TMEM123: variants seen among roughly 807,000 people sequenced by gnomAD.
TMEM123 encodes transmembrane protein 123.
Under a neutral mutation model 19.7 loss-of-function variants are expected in TMEM123, and 16 were observed. The ratio of observed to expected loss-of-function variants is 0.81; its 90% CI spans 0.55 to 1.23. The LOEUF (loss-of-function observed/expected upper bound fraction) is 1.23. TMEM123 is among the 50% of genes most tolerant of loss of function. The probability of loss-of-function intolerance (pLI) is 0.00; values close to 1 mark genes in which losing one functional copy is unlikely to be tolerated. For synonymous variants in TMEM123, 118 were observed against 99.4 expected (o/e 1.19, Z -1.12); for missense variants, 313 against 257.8 (o/e 1.21, Z -1.47).
At chr11:102,439,533 C>T (rs1299774738) in intron 2 of TMEM123, among the ~76,000 whole-genome samples, 2 of 152,110 alleles carry the variant, frequency 1.3e-5, no homozygotes, top group Non-Finnish European at 2.9e-5. Flanking sequence ...CACACCAAAA[C>T]CCCATCTGTA....
At chr11:102,419,009 T>C (rs1219141849) in intron 2 of TMEM123, among the ~76,000 whole-genome samples, 1 of 152,128 alleles carries the variant, frequency 6.6e-6, no homozygotes, top group Non-Finnish European at 1.5e-5. Flanking sequence ...AACACCTGCC[T>C]GAGGGTAGGA....
intron 2 of TMEM123, among the ~76,000 whole-genome samples, chr11:102,413,014 T>C (rs1159987160): frequency 1.3e-5 from 2 of 152,168 alleles, no homozygotes; most frequent in Non-Finnish European, 2.9e-5. Context: ...AATATTTTGA[T>C]AAGGAACCTA....
intron 2 of TMEM123, among the ~76,000 whole-genome samples, chr11:102,410,060 C>CA (rs1358785015): frequency 6.6e-6 from 1 of 152,044 alleles, no homozygotes; most frequent in African/African-American, 2.4e-5. Flanking sequence ...AGAAAAGTAA[C>CA]AACTAGGGAT....
intron 2 of TMEM123, among the ~76,000 whole-genome samples, chr11:102,433,152 G>A (rs1857730275): frequency 6.6e-6 from 1 of 151,920 alleles, no homozygotes; most frequent in Admixed American, 6.6e-5. Flanking sequence ...GAGGGCCACT[G>A]TCCTCCAGCC....
chr11:102,443,404 C>T (rs1857847569), intron 2 of TMEM123, among the ~76,000 whole-genome samples: 1 of 152,126 alleles, frequency 6.6e-6, no homozygotes, highest in Non-Finnish European at 1.5e-5. Flanking sequence ...CTTCTACAAC[C>T]ATCTGATCTT....
In TMEM123 at chr11:102,402,201, G is replaced by C. The variant is rs2135841920; in HGVS notation, c.163C>G (p.Leu55Val). The C allele has an allele frequency of 6.2e-7, 1 of 1,613,378 alleles. No individual in the cohort carries two copies. Among genetic ancestry groups the C allele is most frequent in the Non-Finnish European group, 8.5e-7 (1 of 1,179,520 alleles). ...HNSSANSTET[L>V]QHVPSDHTNE... ...GTATGGTCAGAAGGCACATGTTGGAGAGTCTCTGCAATAATATCAAGAAAC... is the reference window on the plus strand; with the variant it reads ...GTATGGTCAGAAGGCACATGTTGGACAGTCTCTGCAATAATATCAAGAAAC... Residue 55 changes from leucine (L) to valine (V), a missense_variant, in exon 3 of 5, where the codon CTC (leucine) becomes GTC (valine). Transcript: ENST00000398136.
At chr11:102,433,252 G>A (rs1165060393) in intron 2 of TMEM123, among the ~76,000 whole-genome samples, 2 of 151,972 alleles carry the variant, frequency 1.3e-5, no homozygotes, top group Admixed American at 6.6e-5. Flanking sequence ...CTGGGAAGGG[G>A]GCTGTACTCT....
chr11:102,408,758 G>A (rs559804758), intron 2 of TMEM123, among the ~76,000 whole-genome samples: 4 of 152,266 alleles, frequency 2.6e-5, no homozygotes, highest in Non-Finnish European at 4.4e-5. Context: ...ACTACCATCC[G>A]AGTAACATCT....
Position 102,397,744 on chromosome 11 carries a change from A to AT in TMEM123, c.*1122dup, listed in dbSNP as rs1951870007. On this transcript the variant is annotated 3_prime_UTR_variant, in exon 5 of 5. Coordinates refer to ENST00000398136, the MANE Select transcript of TMEM123 (RefSeq NM_052932.3). ...AATGTCATTTCCCCAAATCTGAGTA[A>AT]TATCGACAGTGCATGAAAGAAAATA... 6.6e-6 allele frequency: 1 copy of AT among 152,214 alleles called. No homozygotes were observed. The allele number at this position is 152,214 out of a possible 1,614,324, so 9.4% of individuals were successfully genotyped here. A position where few individuals can be genotyped will look rare whatever the true frequency, so the allele number is the denominator to read the frequency against.
At chr11:102,422,635 CTTTATT>C (rs1952096359) in intron 2 of TMEM123, among the ~76,000 whole-genome samples, 1 of 152,132 alleles carries the variant, frequency 6.6e-6, no homozygotes, top group Non-Finnish European at 1.5e-5. Context: ...ACACATTTCT[CTTTATT>C]TTTACTTCAC....
intron 2 of TMEM123, among the ~76,000 whole-genome samples, chr11:102,431,793 G>A (rs1260600184): frequency 6.6e-6 from 1 of 152,154 alleles, no homozygotes; most frequent in African/African-American, 2.4e-5. Flanking sequence ...CATGTGTCAT[G>A]GCAGTGACCC....
intron 2 of TMEM123, among the ~76,000 whole-genome samples, chr11:102,411,211 G>A (rs539009465): frequency 2.0e-5 from 3 of 152,190 alleles, no homozygotes; most frequent in Non-Finnish European, 4.4e-5. Context: ...TCAACCTTTG[G>A]GAAAGCTAGA....
Position 102,398,061 on chromosome 11 carries a change from A to AACTT in TMEM123, c.*802_*805dup, listed in dbSNP as rs1469597869. 4 of 152,268 alleles carry AACTT rather than the reference A, an allele frequency of 2.6e-5. No individual in the cohort carries two copies. The highest frequency in any genetic ancestry group is 9.6e-5 in the African/African-American group (4 of 41,462). The allele number at this position is 152,268 out of a possible 1,614,324, so 9.4% of individuals were successfully genotyped here. ...ATATTCTCACAGTAGCAAATAATCT[A>AACTT]ACTTCTAGGAGGTTTTTTCCCTATA... is the stretch of plus-strand genomic sequence containing the variant. On this transcript the variant is annotated 3_prime_UTR_variant, in exon 5 of 5. Coordinates refer to ENST00000398136, the MANE Select transcript of TMEM123 (RefSeq NM_052932.3).
chr11:102,414,647 C>T (rs982429367), intron 2 of TMEM123, among the ~76,000 whole-genome samples: 9 of 152,128 alleles, frequency 5.9e-5, no homozygotes, highest in African/African-American at 2.2e-4. Context: ...CAAGCAAGCA[C>T]TAAGGGAATC....
rs373043680 is a variant in TMEM123 at position 102,402,072 on chromosome 11, T to C, written c.292A>G (p.Thr98Ala). The C allele has an allele frequency of 4.1e-5, 66 of 1,614,158 alleles. No homozygotes were observed. In the South Asian group the frequency reaches 4.6e-4, roughly 11 times the overall value. ...TMKPTAASNTTTPGMVSTNMT... is the reference protein window; with the variant it reads ...TMKPTAASNTATPGMVSTNMT... ...TTTGTTGAGACCATCCCTGGTGTTGTTGTATTAGATGCCGCTGTAGGTTTC... is the reference window on the plus strand; with the variant it reads ...TTTGTTGAGACCATCCCTGGTGTTGCTGTATTAGATGCCGCTGTAGGTTTC... The change falls in exon 3 of 5, where the codon ACA becomes GCA. Residue 98 changes from threonine (T) to alanine (A), a missense_variant. Thr to Ala is a moderately conservative substitution (Grantham distance 58, BLOSUM62 0). Coordinates refer to ENST00000398136, the MANE Select transcript of TMEM123 (RefSeq NM_052932.3).
intron 2 of TMEM123, among the ~76,000 whole-genome samples, chr11:102,428,597 G>A (rs752661460): frequency 6.6e-6 from 1 of 151,256 alleles, no homozygotes. Flanking sequence ...GTAAGCCAGT[G>A]TGCCCGGCCC....
intron 2 of TMEM123, among the ~76,000 whole-genome samples, 179 bp from the exon 3 acceptor site, chr11:102,402,385 A>G (rs144130154): frequency 1.4e-4 from 21 of 152,280 alleles, no homozygotes; most frequent in African/African-American, 5.1e-4. Flanking sequence ...CAAACTAGTA[A>G]AAGACTCAAC....
At chr11:102,409,445 CAA>C (rs948953857) in intron 2 of TMEM123, among the ~76,000 whole-genome samples, 4 of 152,060 alleles carry the variant, frequency 2.6e-5, no homozygotes, top group African/African-American at 7.2e-5. Context: ...GCTTAGAAAG[CAA>C]AGAGGCCTTT....
chr11:102,430,069 T>C (rs1857677330), intron 2 of TMEM123, among the ~76,000 whole-genome samples: 1 of 152,172 alleles, frequency 6.6e-6, no homozygotes, highest in Non-Finnish European at 1.5e-5. Context: ...CCAGCCAGCA[T>C]GAGTACCTTT....
Sources: allele counts gnomAD v4.1 joint callset (sites outside exome capture counted in the v4.1 genomes callset), GRCh38; gene constraint gnomAD v4.1.1; transcripts MANE v1.5; gene names NCBI Gene and HGNC (gene_info 2026-07-23, HGNC 2026-07-21).